DTHD1: variants seen among roughly 807,000 people sequenced by gnomAD.
DTHD1 encodes death domain-containing protein 1.
In DTHD1, 59 loss-of-function variants were observed where a neutral mutation model predicts 74.8. That is an observed-to-expected ratio of 0.79 (90% confidence interval 0.64 to 0.98). DTHD1 has a LOEUF of 0.98. Among genes scored for constraint, DTHD1 ranks in the 50% least tolerant of loss-of-function variants. The pLI, the probability that DTHD1 is intolerant of heterozygous loss-of-function variation, is 0.00. For synonymous variants in DTHD1, 365 were observed against 371.1 expected, an observed-to-expected ratio of 0.98 and a Z score of 0.19; for missense variants, 1,051 against 1,065.4, an observed-to-expected ratio of 0.99 and a Z score of 0.19.
intron 2 of DTHD1, among the ~76,000 whole-genome samples, chr4:36,285,234 ACT>A (rs1755630607): frequency 6.6e-6 from 1 of 152,202 alleles, no homozygotes; most frequent in Non-Finnish European, 1.5e-5. Flanking sequence ...GATCATGAAT[ACT>A]TTGCAAATTA....
At chr4:36,304,315 T>C (rs73809166) in intron 5 of DTHD1, among the ~76,000 whole-genome samples, 15,655 of 152,272 alleles carry the variant, frequency 0.1, 2,130 homozygotes, top group African/African-American at 0.31. Flanking sequence ...CCAAGGGTTA[T>C]AGAATTTACC....
At chr4:36,338,117 T>C (rs1256384807) in intron 8 of DTHD1, among the ~76,000 whole-genome samples, 1 of 152,210 alleles carries the variant, frequency 6.6e-6, no homozygotes, top group Non-Finnish European at 1.5e-5. Context: ...CCTTTTGTGC[T>C]CCCTCACCCC....
In DTHD1 at chr4:36,343,802, G is replaced by A; in HGVS notation, c.2699G>A (p.Cys900Tyr). Residue 900 changes from cysteine (C) to tyrosine (Y), a missense_variant, in exon 10 of 10, where the codon TGT becomes TAT. Cys to Tyr is a radical substitution (Grantham distance 194). Transcript: ENST00000639862. Reference sequence around the variant, plus strand: ...AAAGTGTTCACTGAACCACAGCAGTGTTTTGATGTAGCCCCTGAGTAAAAG... The same window carrying A: ...AAAGTGTTCACTGAACCACAGCAGTATTTTGATGTAGCCCCTGAGTAAAAG... ...ENKVFTEPQQ[C>Y]FDVAPE 1.3e-6 allele frequency: 2 copies of A among 1,549,212 alleles called. No individual in the cohort carries two copies. The highest frequency in any genetic ancestry group is 1.7e-6 in the Non-Finnish European group (2 of 1,145,642).
intron 1 of DTHD1, among the ~76,000 whole-genome samples, chr4:36,282,683 T>G (rs1261253384): frequency 6.6e-6 from 1 of 152,144 alleles, no homozygotes; most frequent in South Asian, 2.1e-4. Flanking sequence ...GATAAGCATA[T>G]AGGTGGCATC....
rs1755401495 is a variant in DTHD1, at chr4:36,281,619, A to T, written c.-140A>T. ...CTAGTCAACACCAAACTGAATAACC[A>T]CTATGTTGTGAGAAAGTGCTGGGCT... On this transcript the variant is annotated 5_prime_UTR_variant, in exon 1 of 10. Coordinates refer to ENST00000639862, the MANE Select transcript of DTHD1 (RefSeq NM_001170700.3). 1.6e-6 allele frequency: 2 copies of T among 1,212,596 alleles called. No homozygotes were observed. The highest frequency in any genetic ancestry group is 2.1e-6 in the Non-Finnish European group (2 of 971,222). The allele number at this position is 1,212,596 out of a possible 1,614,324, so 75.1% of individuals were successfully genotyped here.
At chr4:36,295,114 A>G in intron 5 of DTHD1, 75 bp downstream of exon 5, 1 of 1,353,110 alleles carries the variant, frequency 7.4e-7, no homozygotes, top group Non-Finnish European at 9.7e-7. Context: ...CTTGCAGTCA[A>G]ATGCCTTGTA....
chr4:36,298,735 G>C (rs1016525721), intron 5 of DTHD1, among the ~76,000 whole-genome samples: 1 of 152,140 alleles, frequency 6.6e-6, no homozygotes, highest in Non-Finnish European at 1.5e-5. Context: ...ATTTAATTAT[G>C]AGCCAGAAAA....
intron 5 of DTHD1, among the ~76,000 whole-genome samples, chr4:36,301,868 A>T (rs1756793793): frequency 6.6e-6 from 1 of 152,016 alleles, no homozygotes; most frequent in Non-Finnish European, 1.5e-5. Flanking sequence ...TTCTGCTGTC[A>T]GCTGGCAAGA....
chr4:36,292,349 G>A lies in DTHD1; in HGVS notation c.1219-1177G>A, dbSNP rs185377207. The stretch of plus-strand genomic sequence containing the variant: ...AGGAAGAGAAAGAGAAAGAGAGAGC[G>A]AGGGAATCATTGTCTATCATAACAA... On this transcript the variant is annotated intron_variant, in intron 3 of 9. Transcript: ENST00000639862. Among the ~76,000 whole-genome samples the A allele has an allele frequency of 3.9e-5, 6 of 152,282 alleles. No individual in the cohort carries two copies. In the East Asian group the frequency reaches 7.7e-4, roughly 20 times the overall value.
rs1287950284 is a variant in DTHD1 at position 36,316,371 on chromosome 4, T to A, written c.2225T>A (p.Ile742Asn). Residue 742 changes from isoleucine (I) to asparagine (N), a missense_variant, in exon 8 of 10, where the codon ATT (isoleucine) becomes AAT (asparagine). By Grantham distance (149) the Ile-to-Asn change is moderately radical (BLOSUM62 -3). Transcript: ENST00000639862. The stretch of plus-strand genomic sequence containing the variant: ...AGTTGCCCTCATTACAAAGGCACCA[T>A]TGTCGTTTATAAAGTACCTAAAGGA... The part of the protein sequence containing the change: ...NYSCPHYKGT[I>N]VVYKVPKGKI... 6.4e-7 allele frequency: 1 copy of A among 1,552,178 alleles called. No individual in the cohort carries two copies. The highest frequency in any genetic ancestry group is 2.4e-5 in the East Asian group (1 of 40,912).
At chr4:36,325,785 T>A (rs140857417) in intron 8 of DTHD1, among the ~76,000 whole-genome samples, 1 of 152,294 alleles carries the variant, frequency 6.6e-6, no homozygotes, top group African/African-American at 2.4e-5. Flanking sequence ...ACTTTGGAAG[T>A]GTTGTTTAAA....
intron 8 of DTHD1, among the ~76,000 whole-genome samples, chr4:36,324,228 T>A (rs55950097): frequency 0.031 from 4,671 of 151,948 alleles, 164 homozygotes; most frequent in Admixed American, 0.093. Context: ...GCACCTTCTT[T>A]TTCCTGTCCC....
chr4:36,340,801 A>G (rs1243455551), intron 9 of DTHD1, among the ~76,000 whole-genome samples: 1 of 152,138 alleles, frequency 6.6e-6, no homozygotes, highest in Admixed American at 6.5e-5. Context: ...GAGTTGATGC[A>G]TTCATTGAGG....
intron 4 of DTHD1, 141 bp from the exon 5 acceptor site, chr4:36,294,653 GC>G (rs2109463677): frequency 1.5e-6 from 1 of 662,880 alleles, no homozygotes; most frequent in African/African-American, 1.9e-5. Flanking sequence ...TTTATAAAAT[GC>G]ATTGTTGATT....
Position 36,290,481 on chromosome 4 carries a change from T to A in DTHD1, c.996T>A (p.Ser332Arg), listed in dbSNP as rs200560913. ...AATGCCGGATAATAAATCACATGAGTTCTTTAATAGTGGGTGATAATGAAG... is the reference window on the plus strand; with the variant it reads ...AATGCCGGATAATAAATCACATGAGATCTTTAATAGTGGGTGATAATGAAG... The part of the protein sequence containing the change: ...QLECRIINHM[S>R]SLIVGDNEEL... The change falls in exon 3 of 10, where the codon AGT (serine) becomes AGA (arginine). Residue 332 changes from serine to arginine, a missense_variant. Physicochemically the swap from Ser to Arg is moderately radical, Grantham distance 110 (BLOSUM62 -1). Coordinates refer to ENST00000639862, the MANE Select transcript of DTHD1 (RefSeq NM_001170700.3). 5.2e-6 allele frequency: 8 copies of A among 1,551,718 alleles called. No individual in the cohort carries two copies. The highest frequency in any genetic ancestry group is 7.0e-6 in the Non-Finnish European group (8 of 1,146,970).
chr4:36,304,376 T>A (rs954321508), intron 5 of DTHD1, among the ~76,000 whole-genome samples: 14 of 152,338 alleles, frequency 9.2e-5, no homozygotes, highest in African/African-American at 2.6e-4. Flanking sequence ...ATTTTTCCCC[T>A]AAGCTCCTAA....
At chr4:36,335,668 T>G (rs959995407) in intron 8 of DTHD1, among the ~76,000 whole-genome samples, 1 of 152,234 alleles carries the variant, frequency 6.6e-6, no homozygotes, top group Non-Finnish European at 1.5e-5. Context: ...TGGCTGGATC[T>G]TGGAGCACTG....
Position 36,323,098 on chromosome 4 carries a change from C to T in DTHD1, c.2340+6612C>T, listed in dbSNP as rs1758134777. Reference sequence around the variant, plus strand: ...TGTCACCTATTCGAGGCTGGAGTTTCCCAGTAAAACCTAACCCACACATTT... The same window carrying T: ...TGTCACCTATTCGAGGCTGGAGTTTTCCAGTAAAACCTAACCCACACATTT... On this transcript the variant is annotated intron_variant, in intron 8 of 9. Coordinates refer to ENST00000639862, the MANE Select transcript of DTHD1 (RefSeq NM_001170700.3). Among the ~76,000 whole-genome samples, 8 of 152,286 alleles carry T rather than the reference C, an allele frequency of 5.3e-5. No individual in the cohort carries two copies. In the South Asian group the frequency reaches 1.7e-3, roughly 32 times the overall value.
chr4:36,283,791 T>A, intron 1 of DTHD1, 185 bp from the exon 2 acceptor site: 2 of 582,406 alleles, frequency 3.4e-6, no homozygotes. Context: ...TTGTCAATCC[T>A]ACAATTGTTA....
Sources: gnomAD v4.1 joint callset for allele counts (sites outside exome capture counted in the v4.1 genomes callset) on GRCh38, gnomAD v4.1.1 for gene constraint, MANE v1.5 for transcripts, NCBI Gene and HGNC (gene_info 2026-07-23, HGNC 2026-07-21) for gene names.